ULK4: variants seen among roughly 807,000 people sequenced by gnomAD.
ULK4 encodes unc-51 like kinase 4.
In ULK4, 133 loss-of-function variants were observed where a neutral mutation model predicts 160.6. The ratio of observed to expected loss-of-function variants is 0.83; its 90% CI spans 0.72 to 0.96. The LOEUF (loss-of-function observed/expected upper bound fraction) is 0.96. Ranked by LOEUF, ULK4 falls within the 40% of genes least tolerant of loss-of-function variation. ULK4 has a pLI of 0.00. For synonymous variants in ULK4, 534 were observed against 539.8 expected, an observed-to-expected ratio of 0.99 and a Z score of 0.15; for missense variants, 1,580 against 1,499.5, an observed-to-expected ratio of 1.05 and a Z score of -0.89.
chr3:41,544,062 T>G (rs1419716958), intron 32 of ULK4, among the ~76,000 whole-genome samples: 1 of 152,184 alleles, frequency 6.6e-6, no homozygotes, highest in African/African-American at 2.4e-5. Flanking sequence ...TTTTCCTGTG[T>G]ATAGGCCGTA....
At chr3:41,752,098 C>G (rs1228033084) in intron 22 of ULK4, among the ~76,000 whole-genome samples, 1 of 152,194 alleles carries the variant, frequency 6.6e-6, no homozygotes, top group East Asian at 1.9e-4. Context: ...TGTAGGTACT[C>G]TAGCTCCTAT....
At chr3:41,629,155 G>A (rs1264789152) in intron 30 of ULK4, among the ~76,000 whole-genome samples, 1 of 152,128 alleles carries the variant, frequency 6.6e-6, no homozygotes, top group African/African-American at 2.4e-5. Flanking sequence ...GATTCTGTGG[G>A]TCATGAATTT....
At chr3:41,555,052 A>G (rs1299324429) in intron 32 of ULK4, among the ~76,000 whole-genome samples, 1 of 152,172 alleles carries the variant, frequency 6.6e-6, no homozygotes, top group Non-Finnish European at 1.5e-5. Context: ...AGAGTTAAGC[A>G]TCATACTCAA....
intron 31 of ULK4, among the ~76,000 whole-genome samples, chr3:41,579,470 C>T (rs888632879): frequency 7.4e-5 from 11 of 148,070 alleles, no homozygotes; most frequent in African/African-American, 2.5e-4. Flanking sequence ...CTATTCACTT[C>T]AATCTGGAAC....
At chr3:41,553,788 GCATCC>G (rs377209081) in intron 32 of ULK4, among the ~76,000 whole-genome samples, 1 of 54,400 alleles carries the variant, frequency 1.8e-5, no homozygotes, top group East Asian at 5.3e-4. Context: ...AGTAAATGGG[GCATCC>G]ATCCCATCAA....
At chr3:41,606,778 A>G (rs1248645838) in intron 31 of ULK4, among the ~76,000 whole-genome samples, 1 of 152,006 alleles carries the variant, frequency 6.6e-6, no homozygotes, top group Non-Finnish European at 1.5e-5. Context: ...AGAAATGTCT[A>G]TTCAGAGCCT....
intron 2 of ULK4, among the ~76,000 whole-genome samples, chr3:41,938,457 G>A (rs1162688530): frequency 6.6e-6 from 1 of 152,170 alleles, no homozygotes; most frequent in Non-Finnish European, 1.5e-5. Flanking sequence ...GAGGTGGGTT[G>A]GATCACTTGA....
At chr3:41,540,499 C>T (rs11129915) in intron 32 of ULK4, among the ~76,000 whole-genome samples, 68,393 of 151,996 alleles carry the variant, frequency 0.45, 16,082 homozygotes, top group Middle Eastern at 0.54. Flanking sequence ...AATAAACATA[C>T]GTGTGCATGT....
chr3:41,798,742 C>T (rs990696880), intron 20 of ULK4, among the ~76,000 whole-genome samples: 12 of 149,570 alleles, frequency 8.0e-5, no homozygotes, highest in Non-Finnish European at 1.5e-4. Context: ...CAAGATTGTG[C>T]GTGTTGTTGA....
intron 35 of ULK4, among the ~76,000 whole-genome samples, chr3:41,373,139 C>T (rs754795439): frequency 2.4e-4 from 37 of 152,064 alleles, no homozygotes; most frequent in African/African-American, 8.9e-4. Flanking sequence ...ATTCATAAAG[C>T]GAGTTATTAG....
intron 18 of ULK4, among the ~76,000 whole-genome samples, chr3:41,829,653 C>T (rs556490019): frequency 4.6e-5 from 7 of 152,216 alleles, no homozygotes; most frequent in Non-Finnish European, 8.8e-5. Flanking sequence ...ACAACAGGTG[C>T]TGGAGAGGAT....
intron 29 of ULK4, among the ~76,000 whole-genome samples, chr3:41,674,233 A>G (rs1575556046): frequency 6.6e-6 from 1 of 152,332 alleles, no homozygotes; most frequent in African/African-American, 2.4e-5. Flanking sequence ...AAATGTCCTC[A>G]CCTTATGTAA....
At chr3:41,488,091 G>A (rs568652267) in intron 32 of ULK4, among the ~76,000 whole-genome samples, 1 of 152,326 alleles carries the variant, frequency 6.6e-6, no homozygotes, top group Admixed American at 6.5e-5. Context: ...AGAAATACAT[G>A]CAAGGCATAG....
intron 21 of ULK4, among the ~76,000 whole-genome samples, chr3:41,785,198 T>C (rs759043228): frequency 1.2e-4 from 19 of 152,174 alleles, no homozygotes; most frequent in Admixed American, 7.9e-4. Flanking sequence ...AACAGTTCAA[T>C]AGTGGAGGAA....
At chr3:41,526,393 A>G (rs543743871) in intron 32 of ULK4, among the ~76,000 whole-genome samples, 1 of 152,192 alleles carries the variant, frequency 6.6e-6, no homozygotes, top group African/African-American at 2.4e-5. Context: ...TAAACACTCA[A>G]GAGACCCATG....
chr3:41,551,373 C>A (rs529524255), intron 32 of ULK4, among the ~76,000 whole-genome samples: 274 of 150,004 alleles, frequency 1.8e-3, no homozygotes, highest in Non-Finnish European at 3.4e-3. Flanking sequence ...AAATAAAAAA[C>A]CACTAGCAAC....
At chr3:41,674,416 T>C (rs1466877307) in intron 29 of ULK4, among the ~76,000 whole-genome samples, 1 of 152,226 alleles carries the variant, frequency 6.6e-6, no homozygotes, top group East Asian at 1.9e-4. Context: ...CATAAACCTT[T>C]AAAATTAAAT....
chr3:41,673,793 T>C (rs1336730821), intron 29 of ULK4, among the ~76,000 whole-genome samples: 2 of 152,100 alleles, frequency 1.3e-5, no homozygotes, highest in Non-Finnish European at 2.9e-5. Flanking sequence ...CAACATCACT[T>C]AAGCCTTCTC....
chr3:41,792,641 G>A (rs961287762), intron 20 of ULK4, among the ~76,000 whole-genome samples: 3 of 151,904 alleles, frequency 2.0e-5, no homozygotes, highest in African/African-American at 4.8e-5. Context: ...TGGGCAACTG[G>A]AATGGATCTT....
Sources: allele counts gnomAD v4.1 joint callset (sites outside exome capture counted in the v4.1 genomes callset), GRCh38; gene constraint gnomAD v4.1.1; transcripts MANE v1.5; gene names NCBI Gene and HGNC (gene_info 2026-07-23, HGNC 2026-07-21).